The following FBLN2 variants were observed in gnomAD, a reference collection of about 807,000 sequenced individuals.
FBLN2 encodes fibulin-2.
A neutral mutation model predicts 123.7 loss-of-function variants in FBLN2; 81 were observed. The ratio of observed to expected loss-of-function variants is 0.65; its 90% CI spans 0.55 to 0.79. The LOEUF is 0.79. FBLN2 is among the 30% of genes least tolerant of loss of function. FBLN2 has a pLI of 0.00. For synonymous variants in FBLN2, 699 were observed against 701.4 expected (o/e 1.00, Z 0.05); for missense variants, 1,603 against 1,681.3 (o/e 0.95, Z 0.81).
chr3:13,570,380 G>A lies in FBLN2; in HGVS notation c.25G>A (p.Gly9Arg), dbSNP rs993545808. The A allele has an allele frequency of 1.7e-5, 26 of 1,571,942 alleles. No individual in the cohort carries two copies. Among genetic ancestry groups the A allele is most frequent in the Non-Finnish European group, 1.9e-5 (22 of 1,158,530 alleles). The change falls in exon 2 of 18, where the codon GGA becomes AGA. Residue 9 changes from glycine to arginine, a missense_variant. Transcript: ENST00000404922. The part of the protein sequence containing the change: MVLLWEPA[G>R]AWLALGLALA... ...CATGGTGCTGCTCTGGGAGCCTGCA[G>A]GAGCCTGGCTTGCTCTGGGCCTGGC... is the stretch of plus-strand genomic sequence containing the variant.
At chr3:13,568,705 C>T in intron 1 of FBLN2, 1 of 932,734 alleles carries the variant, frequency 1.1e-6, no homozygotes, top group Non-Finnish European at 1.3e-6. Flanking sequence ...GACACGGGCT[C>T]CCCTGACACT....
At chr3:13,601,570 A>G (rs1490626172) in intron 2 of FBLN2, among the ~76,000 whole-genome samples, 4 of 152,214 alleles carry the variant, frequency 2.6e-5, no homozygotes, top group Non-Finnish European at 5.9e-5. Flanking sequence ...GATGGTGAGC[A>G]CTGATCCCGG....
At chr3:13,592,026 T>C (rs1188290243) in intron 2 of FBLN2, among the ~76,000 whole-genome samples, 1 of 150,718 alleles carries the variant, frequency 6.6e-6, no homozygotes, top group East Asian at 1.9e-4. Flanking sequence ...TTCTTTTTTT[T>C]TTTTTTTTTT....
chr3:13,582,549 A>AT (rs1704367199), intron 2 of FBLN2, among the ~76,000 whole-genome samples: 4 of 152,170 alleles, frequency 2.6e-5, no homozygotes, highest in Admixed American at 2.6e-4. Flanking sequence ...CTCGGCCTCC[A>AT]TGCTGGGAAA....
chr3:13,620,028 C>G (rs1705794325), intron 8 of FBLN2, among the ~76,000 whole-genome samples, 197 bp downstream of exon 8: 1 of 152,144 alleles, frequency 6.6e-6, no homozygotes, highest in Admixed American at 6.5e-5. Context: ...TACATGCACT[C>G]CAGGGTGGGC....
chr3:13,595,648 G>A (rs1374091444), intron 2 of FBLN2, among the ~76,000 whole-genome samples: 1 of 152,124 alleles, frequency 6.6e-6, no homozygotes, highest in African/African-American at 2.4e-5. Context: ...GGCGGAGATG[G>A]CCCTGTCACC....
chr3:13,621,837 C>T lies in FBLN2; in HGVS notation c.2218C>T (p.Leu740=), dbSNP rs570848387. 3 of 1,614,012 alleles carry T rather than the reference C, an allele frequency of 1.9e-6. No individual in the cohort carries two copies. Among genetic ancestry groups the T allele is most frequent in the Admixed American group, 3.3e-5 (2 of 60,026 alleles). ...CCGGCGACAGTTCTGTGTGAACACC[C>T]TGGGATCCTTCTACTGTGTCAACCA... ...CSRRQFCVNT[L]GSFYCVNHTV... is the part of the protein sequence containing the mutation. Residue 740 remains leucine (L), a synonymous_variant, in exon 9 of 18, where the codon CTG becomes TTG. Coordinates refer to ENST00000404922, the MANE Select transcript of FBLN2 (RefSeq NM_001004019.2).
chr3:13,574,970 T>C (rs1704088045), intron 2 of FBLN2, among the ~76,000 whole-genome samples: 1 of 152,114 alleles, frequency 6.6e-6, no homozygotes, highest in Non-Finnish European at 1.5e-5. Flanking sequence ...CCCATTAGAC[T>C]CTAAACGAGG....
At position 13,609,630 on chromosome 3, in the gene FBLN2, C is replaced by T. The variant is rs1464408224; in HGVS notation, c.1536C>T (p.Ile512=). Residue 512 remains isoleucine, a synonymous_variant, in exon 4 of 18, where the codon ATC becomes ATT. Coordinates refer to ENST00000404922, the MANE Select transcript of FBLN2 (RefSeq NM_001004019.2). ...CGAEDNDSCG[I]SLYKQCCDCC... ...CTGAGGACAACGACAGCTGCGGCAT[C>T]TCCCTGTACAAGGCAAGCCTGACCT... 1.3e-6 allele frequency: 2 copies of T among 1,570,790 alleles called. No individual in the cohort carries two copies. Among genetic ancestry groups the T allele is most frequent in the African/African-American group, 2.7e-5 (2 of 73,890 alleles).
At chr3:13,636,171 G>A (rs1233292719) in intron 16 of FBLN2, among the ~76,000 whole-genome samples, 1 of 152,218 alleles carries the variant, frequency 6.6e-6, no homozygotes, top group African/African-American at 2.4e-5. Flanking sequence ...GCCTTGCACT[G>A]TGTGGCTTGG....
chr3:13,621,980 C>T (rs1705869591), intron 9 of FBLN2, 65 bp downstream of exon 9: 2 of 1,565,582 alleles, frequency 1.3e-6, no homozygotes, highest in East Asian at 2.3e-5. Context: ...GCCAAGCCCA[C>T]CACACTGTGG....
chr3:13,560,704 G>A (rs1209699413), intron 1 of FBLN2, among the ~76,000 whole-genome samples: 1 of 152,188 alleles, frequency 6.6e-6, no homozygotes, highest in East Asian at 1.9e-4. Context: ...TGTGAGTTTC[G>A]AATCATTTCC....
intron 9 of FBLN2, among the ~76,000 whole-genome samples, chr3:13,625,441 C>G (rs964948848): frequency 1.5e-4 from 23 of 152,150 alleles, no homozygotes; most frequent in African/African-American, 5.3e-4. Flanking sequence ...TGACCATTCT[C>G]AAGTTAGTAT....
At chr3:13,613,012 C>T (rs559785403) in intron 4 of FBLN2, among the ~76,000 whole-genome samples, 5 of 152,258 alleles carry the variant, frequency 3.3e-5, no homozygotes, top group South Asian at 4.1e-4. Flanking sequence ...TGTCAGCTGA[C>T]GGCTCCACTG....
chr3:13,631,528 G>T, intron 16 of FBLN2, 71 bp downstream of exon 16: 1 of 1,496,380 alleles, frequency 6.7e-7, no homozygotes. Flanking sequence ...GCACAGAAAA[G>T]CTCACACAGC....
chr3:13,633,627 C>T (rs976904627), intron 16 of FBLN2, among the ~76,000 whole-genome samples: 6 of 152,214 alleles, frequency 3.9e-5, no homozygotes, highest in African/African-American at 7.2e-5. Flanking sequence ...TGAGGTCTCT[C>T]GGCTCAAACA....
intron 1 of FBLN2, among the ~76,000 whole-genome samples, chr3:13,569,848 AC>A (rs1703869703): frequency 2.6e-5 from 4 of 151,748 alleles, no homozygotes; most frequent in Non-Finnish European, 5.9e-5. Context: ...TGCGTGTGAG[AC>A]CGCCCAGGGT....
Position 13,571,258 on chromosome 3 carries a change from C to G in FBLN2, c.903C>G (p.His301Gln). Residue 301 changes from histidine (H) to glutamine (Q), a missense_variant, in exon 2 of 18, where the codon CAC becomes CAG. Coordinates refer to ENST00000404922, the MANE Select transcript of FBLN2 (RefSeq NM_001004019.2). Reference sequence around the variant, plus strand: ...CTGAGCAGCTGGCAGCAGGTGGCCACAGGGGGCTGGATGGGCTGCCCACTA... The same window carrying G: ...CTGAGCAGCTGGCAGCAGGTGGCCAGAGGGGGCTGGATGGGCTGCCCACTA... The part of the protein sequence containing the change: ...AVTEQLAAGG[H>Q]RGLDGLPTTA... 6.4e-7 allele frequency: 1 copy of G among 1,568,692 alleles called. No individual in the cohort carries two copies. Among genetic ancestry groups the G allele is most frequent in the Admixed American group, 1.9e-5 (1 of 52,276 alleles).
At chr3:13,626,057 C>T (rs115870602) in intron 9 of FBLN2, among the ~76,000 whole-genome samples, 98 of 152,226 alleles carry the variant, frequency 6.4e-4, no homozygotes, top group African/African-American at 2.3e-3. Flanking sequence ...CGCCCAGCGC[C>T]CCCCGCTGTA....
Sources: gnomAD v4.1 joint callset for allele counts (sites outside exome capture counted in the v4.1 genomes callset) on GRCh38, gnomAD v4.1.1 for gene constraint, MANE v1.5 for transcripts, NCBI Gene and HGNC (gene_info 2026-07-23, HGNC 2026-07-21) for gene names.